The following KCNQ5 variants were observed in gnomAD, a reference collection of about 807,000 sequenced individuals.
The protein encoded by KCNQ5 is potassium voltage-gated channel subfamily KQT member 5.
In KCNQ5, 30 loss-of-function variants were observed where a neutral mutation model predicts 98.2. That is an observed-to-expected ratio of 0.31 (90% CI 0.23 to 0.41). The LOEUF (loss-of-function observed/expected upper bound fraction) is 0.41, where lower values mean the gene tolerates loss of function less well. KCNQ5 is among the 10% of genes least tolerant of loss of function. The pLI is 1.00. For synonymous variants in KCNQ5, 458 were observed against 449.4 expected, an observed-to-expected ratio of 1.02 and a Z score of -0.24; for missense variants, 835 against 1,182.5, an observed-to-expected ratio of 0.71 and a Z score of 4.31.
intron 1 of KCNQ5, among the ~76,000 whole-genome samples, chr6:72,868,607 G>A (rs528092664): frequency 7.9e-5 from 12 of 152,290 alleles, no homozygotes; most frequent in Admixed American, 5.2e-4. Flanking sequence ...ATTGGCAACC[G>A]GTGACTCTGC....
intron 1 of KCNQ5, among the ~76,000 whole-genome samples, chr6:72,858,549 A>AT (rs202207786): frequency 1.1e-4 from 17 of 151,590 alleles, no homozygotes; most frequent in Middle Eastern, 3.4e-3. Context: ...TCGAAATGTG[A>AT]TTTTTTTTAA....
chr6:73,036,480 C>T (rs1470273498), intron 2 of KCNQ5, among the ~76,000 whole-genome samples: 1 of 151,902 alleles, frequency 6.6e-6, no homozygotes, highest in Middle Eastern at 3.4e-3. Flanking sequence ...TCCACCTTCT[C>T]CTTCACACTT....
chr6:72,812,051 C>G (rs148131346), intron 1 of KCNQ5, among the ~76,000 whole-genome samples: 1 of 152,110 alleles, frequency 6.6e-6, no homozygotes, highest in Non-Finnish European at 1.5e-5. Flanking sequence ...TATTTGTAAA[C>G]GGTCATGGGG....
At chr6:72,716,883 G>A (rs1013018254) in intron 1 of KCNQ5, among the ~76,000 whole-genome samples, 3 of 152,114 alleles carry the variant, frequency 2.0e-5, no homozygotes, top group African/African-American at 7.2e-5. Context: ...CCATCTCAAA[G>A]CAGCAACTTA....
At chr6:73,124,309 AAT>A (rs753077274) in intron 8 of KCNQ5, among the ~76,000 whole-genome samples, 175 bp from the exon 9 acceptor site, 1 of 152,222 alleles carries the variant, frequency 6.6e-6, no homozygotes, top group Non-Finnish European at 1.5e-5. Context: ...TATCACAAAG[AAT>A]ATATGTTAGC....
At chr6:72,665,212 G>T (rs1015441205) in intron 1 of KCNQ5, among the ~76,000 whole-genome samples, 1 of 151,922 alleles carries the variant, frequency 6.6e-6, no homozygotes, top group Non-Finnish European at 1.5e-5. Flanking sequence ...GCCAGGCATG[G>T]TGGTGCACGC....
intron 2 of KCNQ5, among the ~76,000 whole-genome samples, chr6:73,005,154 T>C (rs1485348229): frequency 6.6e-6 from 1 of 152,216 alleles, no homozygotes; most frequent in Admixed American, 6.5e-5. Context: ...CAGCAGCATA[T>C]TGCTCATGTT....
chr6:72,965,290 C>T (rs1166436131), intron 1 of KCNQ5, among the ~76,000 whole-genome samples: 1 of 152,058 alleles, frequency 6.6e-6, no homozygotes, highest in African/African-American at 2.4e-5. Flanking sequence ...AGTGAATCAA[C>T]AATATTAAAT....
intron 1 of KCNQ5, among the ~76,000 whole-genome samples, chr6:72,975,646 ATGT>A (rs1190560891): frequency 6.6e-6 from 1 of 152,062 alleles, no homozygotes; most frequent in Non-Finnish European, 1.5e-5. Flanking sequence ...TTTTTTCCTG[ATGT>A]TGTACCACAT....
intron 1 of KCNQ5, among the ~76,000 whole-genome samples, chr6:72,623,893 G>C (rs1477544587): frequency 2.0e-5 from 3 of 152,116 alleles, no homozygotes; most frequent in Non-Finnish European, 1.5e-5. Flanking sequence ...CACCAGAAAC[G>C]TGTTTTGAAA....
intron 1 of KCNQ5, among the ~76,000 whole-genome samples, chr6:72,644,849 T>G (rs562909015): frequency 1.3e-5 from 2 of 152,260 alleles, no homozygotes; most frequent in Admixed American, 1.3e-4. Flanking sequence ...TGAAGAACTC[T>G]AGGGACAAGG....
At chr6:72,851,527 T>C (rs547111995) in intron 1 of KCNQ5, among the ~76,000 whole-genome samples, 5 of 152,254 alleles carry the variant, frequency 3.3e-5, no homozygotes, top group South Asian at 4.2e-4. Flanking sequence ...ATACCTAAAC[T>C]ATTATTGTCA....
chr6:73,063,721 T>TGATAGATA (rs11388162), intron 3 of KCNQ5, among the ~76,000 whole-genome samples: 4,716 of 95,796 alleles, frequency 0.049, 160 homozygotes, highest in Non-Finnish European at 0.06. Context: ...GATAGATAGA[T>TGATAGATA]GATAGATAGA....
chr6:73,137,907 T>C (rs1776538103), intron 10 of KCNQ5, among the ~76,000 whole-genome samples: 1 of 152,024 alleles, frequency 6.6e-6, no homozygotes, highest in Non-Finnish European at 1.5e-5. Context: ...CACCCTCTTC[T>C]TGCCGCTGCT....
chr6:73,137,557 C>A (rs545994333), intron 10 of KCNQ5, among the ~76,000 whole-genome samples: 2 of 152,220 alleles, frequency 1.3e-5, no homozygotes, highest in African/African-American at 4.8e-5. Context: ...ATATTTTTGT[C>A]AAGTATATGA....
chr6:72,678,546 G>A (rs1408199485), intron 1 of KCNQ5: 1 of 151,876 alleles, frequency 6.6e-6, no homozygotes, highest in Non-Finnish European at 1.5e-5. Flanking sequence ...ATAAAAAAAA[G>A]TAACACTGGT....
intron 2 of KCNQ5, among the ~76,000 whole-genome samples, chr6:73,008,222 T>C (rs1199313380): frequency 1.3e-5 from 2 of 151,876 alleles, no homozygotes; most frequent in Non-Finnish European, 2.9e-5. Flanking sequence ...ATGAAGTATA[T>C]GTAAAACAAA....
intron 1 of KCNQ5, among the ~76,000 whole-genome samples, chr6:72,808,953 G>T (rs1775092633): frequency 6.6e-6 from 1 of 151,178 alleles, no homozygotes; most frequent in Admixed American, 6.6e-5. Flanking sequence ...TATGTTTATT[G>T]CAGCATTATT....
intron 5 of KCNQ5, among the ~76,000 whole-genome samples, chr6:73,093,544 G>A (rs1415433219): frequency 6.6e-6 from 1 of 151,992 alleles, no homozygotes; most frequent in East Asian, 1.9e-4. Flanking sequence ...AGGCATTTAT[G>A]GCTATAAACT....
Sources: allele counts gnomAD v4.1 joint callset (sites outside exome capture counted in the v4.1 genomes callset), GRCh38; gene constraint gnomAD v4.1.1; transcripts MANE v1.5; gene names NCBI Gene and HGNC (gene_info 2026-07-23, HGNC 2026-07-21).